MAD1L1: variants seen among roughly 807,000 people sequenced by gnomAD.
MAD1L1 encodes the protein mitotic spindle assembly checkpoint protein MAD1.
A neutral mutation model predicts 96.9 loss-of-function variants in MAD1L1; 95 were observed. The ratio of observed to expected loss-of-function variants is 0.98; its 90% CI spans 0.83 to 1.16. The LOEUF is 1.16. Among genes scored for constraint, MAD1L1 ranks in the 50% most tolerant of loss-of-function variants. MAD1L1 has a pLI of 0.00. For missense variants in MAD1L1, 1,007 were observed against 954.4 expected (o/e 1.06, Z -0.73); for synonymous variants, 473 against 396.6 (o/e 1.19, Z -2.29).
chr7:1,844,355 G>A (rs1783466675), intron 18 of MAD1L1: 1 of 152,542 alleles, frequency 6.6e-6, no homozygotes, highest in East Asian at 1.9e-4. Flanking sequence ...TGGACAGGTA[G>A]GGGCCCAGGG....
intron 13 of MAD1L1, 96 bp from the exon 14 acceptor site, chr7:2,002,217 C>T: frequency 1.6e-6 from 2 of 1,255,630 alleles, no homozygotes; most frequent in Non-Finnish European, 2.3e-6. Flanking sequence ...CCGCAGCCTC[C>T]ACTCTCTGGG....
chr7:1,949,344 G>T (rs940480641), intron 16 of MAD1L1, among the ~76,000 whole-genome samples: 9 of 152,216 alleles, frequency 5.9e-5, no homozygotes, highest in Admixed American at 2.0e-4. Context: ...CGCCCGGGGG[G>T]ACCCGCGCAG....
At chr7:1,939,118 G>A (rs1407719546) in intron 16 of MAD1L1, among the ~76,000 whole-genome samples, 8 of 102,210 alleles carry the variant, frequency 7.8e-5, no homozygotes, top group South Asian at 6.9e-4. Flanking sequence ...GGCCAGAGGC[G>A]CGCACACACA....
chr7:1,903,293 G>C (rs1299551356), intron 17 of MAD1L1, among the ~76,000 whole-genome samples: 3 of 151,088 alleles, frequency 2.0e-5, no homozygotes, highest in Non-Finnish European at 4.4e-5. Context: ...GATTGATGAA[G>C]CACTGTTCCA....
chr7:2,012,949 T>C (rs1782368518), intron 13 of MAD1L1, among the ~76,000 whole-genome samples: 1 of 152,236 alleles, frequency 6.6e-6, no homozygotes, highest in Admixed American at 6.5e-5. Context: ...CCTTCTCCCA[T>C]CTTCCCTGAA....
intron 12 of MAD1L1, among the ~76,000 whole-genome samples, chr7:2,039,066 C>T (rs1287439475): frequency 6.6e-6 from 1 of 152,228 alleles, no homozygotes; most frequent in Non-Finnish European, 1.5e-5. Context: ...CGGCAGCCAT[C>T]CACAGGCTGT....
intron 10 of MAD1L1, among the ~76,000 whole-genome samples, chr7:2,156,096 T>C (rs918524181): frequency 2.0e-5 from 3 of 151,498 alleles, no homozygotes; most frequent in South Asian, 2.1e-4. Context: ...AGTGGGCGCA[T>C]GGTTTCACGG....
At chr7:2,109,871 C>T (rs1558463) in intron 11 of MAD1L1, among the ~76,000 whole-genome samples, 2 of 152,186 alleles carry the variant, frequency 1.3e-5, no homozygotes, top group South Asian at 2.1e-4. Context: ...CCTTTGAATC[C>T]GTTTGGGTAC....
chr7:2,007,870 A>C (rs876514), intron 13 of MAD1L1, among the ~76,000 whole-genome samples: 1 of 152,232 alleles, frequency 6.6e-6, no homozygotes, highest in African/African-American at 2.4e-5. Flanking sequence ...GTAGAGTCTC[A>C]GGATAGAGAA....
intron 18 of MAD1L1, among the ~76,000 whole-genome samples, chr7:1,889,311 G>C (rs1786390608): frequency 6.6e-6 from 1 of 152,236 alleles, no homozygotes; most frequent in Non-Finnish European, 1.5e-5. Flanking sequence ...CAAACACTCG[G>C]GCAAGGCCTC....
At chr7:2,190,108 A>C (rs1791647898) in intron 10 of MAD1L1, among the ~76,000 whole-genome samples, 1 of 152,238 alleles carries the variant, frequency 6.6e-6, no homozygotes, top group Admixed American at 6.5e-5. Context: ...TAGCCAAGAC[A>C]ATTCTTACAA....
Position 1,997,525 on chromosome 7 carries a change from C to T in MAD1L1, c.1416+4540G>A, listed in dbSNP as rs541069080. 7.2e-5 allele frequency among the ~76,000 whole-genome samples: 11 copies of T among 152,354 alleles called. No homozygotes were observed. The South Asian group carries it at 1.0e-3, about 14-fold the overall frequency. On this transcript the variant is annotated intron_variant, in intron 14 of 18. Transcript: ENST00000265854. ...TGACTCCAGCCATCCCAGCTCAGGG[C>T]GAGCTCCCGCTCAGGTTCCTCCACC...
chr7:1,860,321 C>T (rs112234165), intron 18 of MAD1L1, among the ~76,000 whole-genome samples: 4,191 of 139,560 alleles, frequency 0.03, 78 homozygotes, highest in South Asian at 0.075. Flanking sequence ...TCTGGCGGGG[C>T]GGCCTCTGTC....
intron 10 of MAD1L1, among the ~76,000 whole-genome samples, chr7:2,170,664 CAAA>C (rs1477061524): frequency 6.6e-6 from 1 of 152,112 alleles, no homozygotes; most frequent in Non-Finnish European, 1.5e-5. Flanking sequence ...TTGCAAGACG[CAAA>C]AGTGAAGCCA....
intron 16 of MAD1L1, among the ~76,000 whole-genome samples, chr7:1,941,817 A>G (rs1779013827): frequency 6.6e-6 from 1 of 152,246 alleles, no homozygotes; most frequent in Non-Finnish European, 1.5e-5. Flanking sequence ...CCTGGGCTCC[A>G]TAACTGGTGG....
chr7:1,847,604 G>A (rs1184959055), intron 18 of MAD1L1: 1 of 470,956 alleles, frequency 2.1e-6, no homozygotes, highest in Non-Finnish European at 4.4e-6. Flanking sequence ...ACACAGCATG[G>A]AGATCTCAGC....
At chr7:2,210,760 T>C (rs1562375741) in intron 10 of MAD1L1, among the ~76,000 whole-genome samples, 1 of 152,182 alleles carries the variant, frequency 6.6e-6, no homozygotes, top group Non-Finnish European at 1.5e-5. Context: ...ACCTGCCCTC[T>C]ACCAGGCCCA....
In MAD1L1 at chr7:2,215,905, C is replaced by T; in HGVS notation, c.904G>A (p.Gly302Ser). ...CTCACCTCGTTCTCCAGCTCCAAGC[C>T]AACCAGCGTCTCCTGCATCTTCTCC... The part of the protein sequence containing the change: ...RQEKMQETLV[G>S]LELENERLLA... Residue 302 changes from glycine (G) to serine (S), a missense_variant, in exon 9 of 19, where the codon GGC (glycine) becomes AGC (serine). Physicochemically the swap from Gly to Ser is moderately conservative, Grantham distance 56. Transcript: ENST00000265854. The T allele has an allele frequency of 1.2e-6, 2 of 1,614,222 alleles. No individual in the cohort carries two copies. The highest frequency in any genetic ancestry group is 1.7e-6 in the Non-Finnish European group (2 of 1,180,032).
At chr7:1,868,201 G>T (rs966875820) in intron 18 of MAD1L1, among the ~76,000 whole-genome samples, 1 of 151,994 alleles carries the variant, frequency 6.6e-6, no homozygotes. Flanking sequence ...GGACAATTTG[G>T]CCAAGATAAC....
Sources: gnomAD v4.1 joint callset for allele counts (sites outside exome capture counted in the v4.1 genomes callset) on GRCh38, gnomAD v4.1.1 for gene constraint, MANE v1.5 for transcripts, NCBI Gene and HGNC (gene_info 2026-07-23, HGNC 2026-07-21) for gene names.